The following PAM16 variants were observed in gnomAD, a reference collection of about 807,000 sequenced individuals.
PAM16 encodes mitochondrial import inner membrane translocase subunit TIM16.
A neutral mutation model predicts 17.9 loss-of-function variants in PAM16; 11 were observed. The observed-to-expected ratio is 0.62, with a 90% CI of 0.39 to 1.02. PAM16 has a LOEUF of 1.02. PAM16 is among the 50% of genes least tolerant of loss of function. The pLI is 0.01. For missense variants in PAM16, 199 were observed against 165.4 expected (o/e 1.20, Z -1.11); for synonymous variants, 72 against 67.4 (o/e 1.07, Z -0.34).
Position 4,341,526 on chromosome 16 carries a change from C to T in PAM16, c.89-22G>A, listed in dbSNP as rs200789755. The T allele has an allele frequency of 3.5e-4, 565 of 1,597,942 alleles. 2 individuals carry two copies. In the African/African-American group the frequency reaches 6.3e-3, roughly 18 times the overall value. ...CTGGCTGTGTGGACATGTGGGTGAT[C>T]GCTCAGTCCTCAGCAGCCCACACTT... is the stretch of plus-strand genomic sequence containing the variant. On this transcript the variant is annotated intron_variant, in intron 2 of 4. Coordinates refer to ENST00000318059, the MANE Select transcript of PAM16 (RefSeq NM_016069.11).
chr16:4,350,687 A>G (rs957754686), intron 1 of PAM16, among the ~76,000 whole-genome samples: 1 of 152,158 alleles, frequency 6.6e-6, no homozygotes, highest in Non-Finnish European at 1.5e-5. Flanking sequence ...GGCGTGAGCC[A>G]CCGCGCCCAG....
At chr16:4,344,755 A>G (rs1321375165) in intron 1 of PAM16, among the ~76,000 whole-genome samples, 168 of 12,916 alleles carry the variant, frequency 0.013, 11 homozygotes, top group Non-Finnish European at 0.02. Flanking sequence ...CTGTGAGAGG[A>G]GGGGGTTCCG....
At chr16:4,348,150 T>C (rs1212538796) in intron 1 of PAM16, 4 of 152,208 alleles carry the variant, frequency 2.6e-5, no homozygotes, top group South Asian at 4.2e-4. Flanking sequence ...AGGAGAAAGG[T>C]CAGGACCACA....
chr16:4,341,738 C>T (rs142605338), intron 2 of PAM16: 2 of 637,568 alleles, frequency 3.1e-6, no homozygotes, highest in Non-Finnish European at 5.2e-6. Flanking sequence ...CTAATCCTGG[C>T]TCCTGGTCCC....
chr16:4,347,166 C>G (rs113711672), intron 1 of PAM16: 3 of 152,300 alleles, frequency 2.0e-5, no homozygotes, highest in East Asian at 3.9e-4. Context: ...ACTCAGCCTC[C>G]GAGGACCTGC....
rs1219292587 is a variant in PAM16, at chr16:4,343,230, C to T, written c.65G>A (p.Arg22Gln). 7 of 1,612,618 alleles carry T rather than the reference C, an allele frequency of 4.3e-6. No individual in the cohort carries two copies. The highest frequency in any genetic ancestry group is 2.2e-5 in the South Asian group (2 of 91,088). Residue 22 changes from arginine to glutamine, a missense_variant, in exon 2 of 5, where the codon CGG (arginine) becomes CAG (glutamine). Coordinates refer to ENST00000318059, the MANE Select transcript of PAM16 (RefSeq NM_016069.11). Reference protein sequence around the residue: ...GVQVVGRAFARALRQEFAASR... With the variant: ...GVQVVGRAFAQALRQEFAASR... ...ACCTGCAAACTCCTGCCGCAAGGCC[C>T]GTGCAAAGGCCCTGCCCACCACCTG...
In PAM16 at chr16:4,340,950, G is replaced by C. The variant is rs374565033; in HGVS notation, c.261C>G (p.Ser87=). Residue 87 remains serine, a synonymous_variant, in exon 4 of 5, where the codon TCC becomes TCG. Transcript: ENST00000318059. ...YEHLFKVNDK[S]VGGSFYLQSK... The stretch of plus-strand genomic sequence containing the variant: ...ACTGCAGGTAGAAGGAGCCACCCAC[G>C]GATTTATCATTCACCTTAAATAAGT... 3.1e-6 allele frequency: 5 copies of C among 1,613,678 alleles called. No individual in the cohort carries two copies. In the African/African-American group the frequency reaches 5.3e-5, roughly 17 times the overall value.
At chr16:4,342,346 A>G (rs1181197211) in intron 2 of PAM16, among the ~76,000 whole-genome samples, 1 of 128,338 alleles carries the variant, frequency 7.8e-6, no homozygotes, top group Non-Finnish European at 1.7e-5. Context: ...CAACACAGTG[A>G]GACTCCGTCT....
rs1347291291 is a variant in PAM16, at chr16:4,341,515, A to G, written c.89-11T>C. The G allele has an allele frequency of 6.2e-7, 1 of 1,603,584 alleles. No homozygotes were observed. Among genetic ancestry groups the G allele is most frequent in the South Asian group, 1.1e-5 (1 of 89,678 alleles). ...CTGCGGCCCGGCTGGCTGTGTGGAC[A>G]TGTGGGTGATCGCTCAGTCCTCAGC... is the stretch of plus-strand genomic sequence containing the variant. On this transcript the variant is annotated splice_polypyrimidine_tract_variant and intron_variant, in intron 2 of 4. Transcript: ENST00000318059.
intron 1 of PAM16, chr16:4,343,532 T>G (rs1008353833): frequency 6.7e-5 from 95 of 1,419,566 alleles, no homozygotes; most frequent in Non-Finnish European, 8.1e-5. Context: ...AGAGGCAGAC[T>G]GGCCCCACCT....
At chr16:4,350,026 G>A (rs2053823169) in intron 1 of PAM16, among the ~76,000 whole-genome samples, 2 of 152,108 alleles carry the variant, frequency 1.3e-5, no homozygotes, top group African/African-American at 4.8e-5. Context: ...TTAAGAAGTG[G>A]CTCCCCGAAC....
intron 4 of PAM16, among the ~76,000 whole-genome samples, chr16:4,340,646 C>T (rs621867): frequency 2.6e-5 from 4 of 152,302 alleles, no homozygotes; most frequent in South Asian, 2.1e-4. Flanking sequence ...ACCCCACCCA[C>T]GGGGGCTCCT....
intron 1 of PAM16, among the ~76,000 whole-genome samples, chr16:4,349,018 G>A (rs759522672): frequency 1.4e-5 from 2 of 138,452 alleles, no homozygotes; most frequent in African/African-American, 2.7e-5. Context: ...GCAGTAGCGC[G>A]ACCTTCGGCT....
intron 1 of PAM16, among the ~76,000 whole-genome samples, chr16:4,350,033 G>A (rs573582710): frequency 6.6e-6 from 1 of 152,068 alleles, no homozygotes; most frequent in Non-Finnish European, 1.5e-5. Flanking sequence ...GTGGCTCCCC[G>A]AACCAGCTGC....
intron 1 of PAM16, 26 bp downstream of exon 1, chr16:4,351,206 C>T (rs761763574): frequency 7.6e-5 from 105 of 1,381,886 alleles, no homozygotes; most frequent in Admixed American, 7.5e-4. Context: ...CTTCCCCTCC[C>T]CGGTAGCGCC....
At chr16:4,345,726 G>A (rs905059942) in intron 1 of PAM16, 2 of 325,948 alleles carry the variant, frequency 6.1e-6, no homozygotes, top group African/African-American at 2.2e-5. Flanking sequence ...GGGCAGGGCT[G>A]TGGCTGTACT....
At chr16:4,341,901 C>T (rs941141073) in intron 2 of PAM16, among the ~76,000 whole-genome samples, 1 of 152,182 alleles carries the variant, frequency 6.6e-6, no homozygotes, top group Non-Finnish European at 1.5e-5. Flanking sequence ...GTCACCTAGA[C>T]CACCAAAGCC....
At chr16:4,349,986 G>A in intron 1 of PAM16, among the ~76,000 whole-genome samples, 1 of 152,222 alleles carries the variant, frequency 6.6e-6, no homozygotes, top group African/African-American at 2.4e-5. Context: ...TACGCCGTTA[G>A]CTGTTACATT....
intron 1 of PAM16, chr16:4,348,259 A>C (rs1344988540): frequency 1.3e-5 from 2 of 152,152 alleles, no homozygotes; most frequent in African/African-American, 2.4e-5. Flanking sequence ...AGCTTTGCCC[A>C]ATCTGCTGTC....
Sources: allele counts gnomAD v4.1 joint callset (sites outside exome capture counted in the v4.1 genomes callset), GRCh38; gene constraint gnomAD v4.1.1; transcripts MANE v1.5; gene names NCBI Gene and HGNC (gene_info 2026-07-23, HGNC 2026-07-21).